CACNA2D1: variants seen among roughly 807,000 people sequenced by gnomAD.
CACNA2D1 encodes voltage-dependent calcium channel subunit alpha-2/delta-1.
A neutral mutation model predicts 171.5 loss-of-function variants in CACNA2D1; 53 were observed. The ratio of observed to expected loss-of-function variants is 0.31; its 90% CI spans 0.25 to 0.39. The LOEUF (loss-of-function observed/expected upper bound fraction) is 0.39, where lower values mean the gene tolerates loss of function less well. Among genes scored for constraint, CACNA2D1 ranks in the 10% least tolerant of loss-of-function variants. The pLI, the probability that CACNA2D1 is intolerant of heterozygous loss-of-function variation, is 1.00. For missense variants in CACNA2D1, 903 were observed against 1,299.8 expected, an observed-to-expected ratio of 0.69 and a Z score of 4.69; for synonymous variants, 442 against 443.1, an observed-to-expected ratio of 1.00 and a Z score of 0.03.
At chr7:82,289,761 G>A (rs548439357) in intron 3 of CACNA2D1, among the ~76,000 whole-genome samples, 1 of 152,338 alleles carries the variant, frequency 6.6e-6, no homozygotes, top group Admixed American at 6.5e-5. Flanking sequence ...TGAAAAGGGA[G>A]GAACTTGTCT....
At chr7:82,222,221 T>A (rs1801847628) in intron 3 of CACNA2D1, among the ~76,000 whole-genome samples, 1 of 152,184 alleles carries the variant, frequency 6.6e-6, no homozygotes, top group African/African-American at 2.4e-5. Context: ...TACTACTGTA[T>A]GGCAGGGATT....
At chr7:82,130,657 T>C (rs144359593) in intron 5 of CACNA2D1, among the ~76,000 whole-genome samples, 152 of 152,014 alleles carry the variant, frequency 1.0e-3, no homozygotes, top group African/African-American at 3.4e-3. Flanking sequence ...AAACAAATCA[T>C]CTCCAGCAGA....
At chr7:82,252,417 C>T (rs1367517111) in intron 3 of CACNA2D1, among the ~76,000 whole-genome samples, 1 of 152,156 alleles carries the variant, frequency 6.6e-6, no homozygotes, top group Non-Finnish European at 1.5e-5. Context: ...CTATACCATC[C>T]ATACTCTCTT....
chr7:82,348,591 A>C (rs1819513301), intron 2 of CACNA2D1, among the ~76,000 whole-genome samples: 1 of 152,102 alleles, frequency 6.6e-6, no homozygotes, highest in South Asian at 2.1e-4. Flanking sequence ...CACTCTCTAC[A>C]GTTGTTTTAT....
intron 3 of CACNA2D1, among the ~76,000 whole-genome samples, chr7:82,246,815 T>C (rs1410876971): frequency 1.3e-5 from 2 of 152,192 alleles, no homozygotes; most frequent in East Asian, 3.9e-4. Flanking sequence ...AGATGGAATT[T>C]AGGGGTCCTT....
chr7:82,047,829 C>T (rs557574998), intron 10 of CACNA2D1, among the ~76,000 whole-genome samples: 45 of 151,926 alleles, frequency 3.0e-4, no homozygotes, highest in Non-Finnish European at 5.3e-4. Flanking sequence ...AATGAAGTGA[C>T]GTGAAATATT....
chr7:81,973,239 G>C (rs967626240), intron 25 of CACNA2D1, among the ~76,000 whole-genome samples: 3 of 151,998 alleles, frequency 2.0e-5, no homozygotes, highest in Non-Finnish European at 2.9e-5. Context: ...CTCATTAATA[G>C]GAAATAAACA....
At chr7:82,014,673 T>A (rs1800205407) in intron 12 of CACNA2D1, among the ~76,000 whole-genome samples, 194 bp from the exon 13 acceptor site, 1 of 152,204 alleles carries the variant, frequency 6.6e-6, no homozygotes, top group South Asian at 2.1e-4. Flanking sequence ...CAGACTCCAG[T>A]TGCTACATTT....
At chr7:82,442,791 T>TG (rs1434685311) in intron 1 of CACNA2D1, among the ~76,000 whole-genome samples, 2 of 152,150 alleles carry the variant, frequency 1.3e-5, no homozygotes, top group Non-Finnish European at 2.9e-5. Flanking sequence ...GCCCCCTGCG[T>TG]GGACAGCACG....
In CACNA2D1 at chr7:82,181,041, A is replaced by AT. The variant is rs71093367; in HGVS notation, c.295-10433dup. 4.0e-3 allele frequency among the ~76,000 whole-genome samples: 56 copies of AT among 13,960 alleles called. 23 individuals are homozygous for AT. The highest frequency in any genetic ancestry group is 7.1e-3 in the Non-Finnish European group (47 of 6,626). 9.2% of individuals were successfully genotyped at this position (13,960 alleles called of 152,430 possible). On this transcript the variant is annotated intron_variant, in intron 3 of 38. Transcript: ENST00000356860. ...GGTCAGCAGCTGTGGGGCATGTCGG[A>AT]TTTTTTTTTTTTTTTTTTTTTTTTT...
chr7:82,346,542 A>G (rs569545196), intron 2 of CACNA2D1, among the ~76,000 whole-genome samples: 1 of 152,320 alleles, frequency 6.6e-6, no homozygotes, highest in South Asian at 2.1e-4. Context: ...ACCATGAAGA[A>G]AAAAATCAGT....
intron 1 of CACNA2D1, among the ~76,000 whole-genome samples, chr7:82,350,447 C>T (rs990587973): frequency 3.9e-5 from 6 of 152,044 alleles, no homozygotes; most frequent in Non-Finnish European, 8.8e-5. Context: ...AGGTGGATCA[C>T]GAGGTCAGGA....
In CACNA2D1 at chr7:82,005,475, A is replaced by T; in HGVS notation, c.1538T>A (p.Phe513Tyr). The T allele has an allele frequency of 6.3e-7, 1 of 1,597,464 alleles. No individual in the cohort carries two copies. Residue 513 changes from phenylalanine (F) to tyrosine (Y), a missense_variant, in exon 18 of 39, where the codon TTT (phenylalanine) becomes TAT (tyrosine). By Grantham distance (22) the Phe-to-Tyr change is conservative (BLOSUM62 3). Around this residue, in one of 5 missense-constraint regions of CACNA2D1, gnomAD observed 623 missense variants for 925.5 expected, o/e 0.67. Transcript: ENST00000356860. ...RFTLCPNGYY[F>Y]AIDPNGYVLL... ...AACATAACCATTAGGATCGATTGCA[A>T]AGTAATACCCATTGGGGCACAGCTG...
intron 3 of CACNA2D1, among the ~76,000 whole-genome samples, chr7:82,202,923 C>T (rs1327271423): frequency 2.0e-5 from 3 of 152,082 alleles, no homozygotes; most frequent in African/African-American, 7.2e-5. Flanking sequence ...GCCAGGTTGA[C>T]AGAGAGAAAA....
chr7:82,022,016 A>G (rs1159654170), intron 12 of CACNA2D1, among the ~76,000 whole-genome samples: 3 of 152,022 alleles, frequency 2.0e-5, no homozygotes, highest in Non-Finnish European at 4.4e-5. Flanking sequence ...TTTACATCAT[A>G]TCATATACTC....
At chr7:82,298,309 C>G (rs1461273436) in intron 3 of CACNA2D1, among the ~76,000 whole-genome samples, 2 of 152,160 alleles carry the variant, frequency 1.3e-5, no homozygotes, top group African/African-American at 4.8e-5. Flanking sequence ...GTAACTGCCA[C>G]TAAAAGATAA....
chr7:82,346,228 T>C (rs1382117700), intron 2 of CACNA2D1, among the ~76,000 whole-genome samples: 2 of 152,164 alleles, frequency 1.3e-5, no homozygotes, highest in African/African-American at 4.8e-5. Context: ...TCAACTGCTA[T>C]GTGGCAGAAA....
At chr7:82,140,952 T>A (rs1339364778) in intron 4 of CACNA2D1, among the ~76,000 whole-genome samples, 1 of 60,162 alleles carries the variant, frequency 1.7e-5, no homozygotes, top group Admixed American at 1.4e-4. Context: ...AAGACTCGTC[T>A]CTAAAAAAAA....
chr7:82,141,454 C>A (rs1401287764), intron 4 of CACNA2D1, among the ~76,000 whole-genome samples: 1 of 152,120 alleles, frequency 6.6e-6, no homozygotes. Flanking sequence ...AATTCTTTCT[C>A]CCTTAACCCA....
Sources: allele counts gnomAD v4.1 joint callset (sites outside exome capture counted in the v4.1 genomes callset), GRCh38; gene constraint gnomAD v4.1.1; regional missense constraint gnomAD v4.1.1; transcripts MANE v1.5; gene names NCBI Gene and HGNC (gene_info 2026-07-23, HGNC 2026-07-21).